Variants in MYH9 observed in about 807,000 individuals in gnomAD.
The protein encoded by MYH9 is myosin heavy chain 9.
A neutral mutation model predicts 241.9 loss-of-function variants in MYH9; 29 were observed. That is an observed-to-expected ratio of 0.12 (90% CI 0.09 to 0.16). The LOEUF (loss-of-function observed/expected upper bound fraction) is 0.16, where lower values mean the gene tolerates loss of function less well. Among genes scored for constraint, MYH9 ranks in the 10% least tolerant of loss-of-function variants. The pLI is 1.00. For synonymous variants in MYH9, 1,047 were observed against 1,062.6 expected (o/e 0.99, Z 0.29); for missense variants, 1,803 against 2,595.5 (o/e 0.69, Z 6.63).
chr22:36,347,557 G>A (rs2146391005), intron 2 of MYH9, among the ~76,000 whole-genome samples: 1 of 151,598 alleles, frequency 6.6e-6, no homozygotes, highest in South Asian at 2.1e-4. Flanking sequence ...AACATAATGA[G>A]ACCCTGTCTC....
chr22:36,309,384 CTTT>C lies in MYH9; in HGVS notation c.1738_1740del (p.Lys580del). The C allele has an allele frequency of 6.2e-7, 1 of 1,614,130 alleles. No homozygotes were observed. Among genetic ancestry groups the C allele is most frequent in the Non-Finnish European group, 8.5e-7 (1 of 1,179,970 alleles). ...ATGTTCTTCATCAGCCACTCGTCAGCTTTGTAATCCACCTGGCGGGGTCAGAGA... is the reference window on the plus strand; with the variant it reads ...ATGTTCTTCATCAGCCACTCGTCAGCGTAATCCACCTGGCGGGGTCAGAGA... On this transcript the variant is annotated inframe_deletion, in exon 15 of 41. Coordinates refer to ENST00000216181, the MANE Select transcript of MYH9 (RefSeq NM_002473.6).
At chr22:36,301,456 G>A (rs1162966047) in intron 21 of MYH9, 78 bp downstream of exon 21, 22 of 1,587,054 alleles carry the variant, frequency 1.4e-5, no homozygotes, top group Non-Finnish European at 1.8e-5. Context: ...CTTCCAGCAT[G>A]CCGTGCCTAC....
chr22:36,311,374 C>G (rs575854578), intron 14 of MYH9, among the ~76,000 whole-genome samples: 3 of 152,142 alleles, frequency 2.0e-5, no homozygotes, highest in African/African-American at 2.4e-5. Flanking sequence ...CACCTCCCCC[C>G]CCGAAACTAG....
intron 2 of MYH9, among the ~76,000 whole-genome samples, chr22:36,347,307 C>G (rs949186376): frequency 4.0e-5 from 6 of 151,896 alleles, no homozygotes; most frequent in Non-Finnish European, 7.4e-5. Context: ...TACACTTCCC[C>G]TTGGTCAAGC....
At chr22:36,374,585 T>C (rs906341851) in intron 1 of MYH9, among the ~76,000 whole-genome samples, 1 of 152,190 alleles carries the variant, frequency 6.6e-6, no homozygotes, top group African/African-American at 2.4e-5. Flanking sequence ...CAATATTCCA[T>C]GAAAAATCTC....
chr22:36,350,537 CA>C (rs756853566), intron 1 of MYH9, among the ~76,000 whole-genome samples: 2 of 151,616 alleles, frequency 1.3e-5, no homozygotes, highest in African/African-American at 4.8e-5. Flanking sequence ...AACTCCGTCT[CA>C]AAAAAAAGAC....
At chr22:36,296,734 C>T in intron 25 of MYH9, 109 bp downstream of exon 25, 3 of 1,276,644 alleles carry the variant, frequency 2.3e-6, no homozygotes, top group Non-Finnish European at 3.2e-6. Flanking sequence ...TTTAAGACAA[C>T]AGTGGAAAGA....
intron 34 of MYH9, 190 bp from the exon 35 acceptor site, chr22:36,287,036 C>T: frequency 1.4e-6 from 1 of 731,740 alleles, no homozygotes; most frequent in South Asian, 1.7e-5. Context: ...CCGTAATGCA[C>T]ACTTTGACAG....
At position 36,340,414 on chromosome 22, in the gene MYH9, A is replaced by C. The variant is rs570025412; in HGVS notation, c.490+956T>G. Among the ~76,000 whole-genome samples the C allele has an allele frequency of 4.0e-3, 612 of 151,932 alleles. 7 individuals carry two copies. The highest frequency in any genetic ancestry group is 0.013 in the African/African-American group (540 of 41,450). On this transcript the variant is annotated intron_variant, in intron 3 of 40. Transcript: ENST00000216181. The stretch of plus-strand genomic sequence containing the variant: ...GGTGGCTCACGCCTGTAATCCCAGC[A>C]CTTTGGGAGGCCGAGGTGGGTGGAT...
At chr22:36,310,697 C>T (rs2187777) in intron 14 of MYH9, among the ~76,000 whole-genome samples, 4,129 of 152,342 alleles carry the variant, frequency 0.027, 84 homozygotes, top group South Asian at 0.071. Flanking sequence ...GTCCTTTTAG[C>T]GGCCACAGCA....
chr22:36,313,204 C>T (rs1207551369), intron 13 of MYH9, among the ~76,000 whole-genome samples: 1 of 151,818 alleles, frequency 6.6e-6, no homozygotes, highest in African/African-American at 2.4e-5. Flanking sequence ...TGGCTCACAC[C>T]TGTAATCCCA....
intron 31 of MYH9, among the ~76,000 whole-genome samples, chr22:36,290,027 G>T (rs919295844): frequency 6.6e-6 from 1 of 152,132 alleles, no homozygotes; most frequent in Non-Finnish European, 1.5e-5. Flanking sequence ...TTGGCTGCCC[G>T]ATGTCTTCTA....
intron 1 of MYH9, among the ~76,000 whole-genome samples, chr22:36,370,406 T>A: frequency 6.6e-6 from 1 of 152,196 alleles, no homozygotes; most frequent in East Asian, 1.9e-4. Flanking sequence ...GTGCTCACCA[T>A]GGGCAAGGCA....
In MYH9 at chr22:36,288,125, C is replaced by T; in HGVS notation, c.4932+127G>A. The stretch of plus-strand genomic sequence containing the variant: ...TCTGTCAGTGAGATGGGGCTGGAAG[C>T]ACCCAGGACCTTCCCAGGAGGTGCC... On this transcript the variant is annotated intron_variant, in intron 34 of 40. Coordinates refer to ENST00000216181, the MANE Select transcript of MYH9 (RefSeq NM_002473.6). The surrounding 1 kb of genome is among the most constrained non-coding windows in gnomAD (Gnocchi z 4.8). The T allele has an allele frequency of 1.8e-6, 2 of 1,129,192 alleles. No individual in the cohort carries two copies. Among genetic ancestry groups the T allele is most frequent in the South Asian group, 2.7e-5 (2 of 75,318 alleles). 69.9% of individuals were successfully genotyped at this position (1,129,192 alleles called of 1,614,324 possible).
intron 2 of MYH9, among the ~76,000 whole-genome samples, chr22:36,343,549 A>T (rs2017623097): frequency 5.0e-5 from 1 of 20,002 alleles, no homozygotes; most frequent in Non-Finnish European, 1.4e-4. Context: ...CCCTGCTCTT[A>T]AAAAAAAAAA....
chr22:36,362,113 G>C (rs542243616), intron 1 of MYH9, among the ~76,000 whole-genome samples: 9 of 152,224 alleles, frequency 5.9e-5, no homozygotes, highest in Middle Eastern at 3.4e-3. Context: ...CTGCATGGAG[G>C]GGGCAATGAG....
chr22:36,291,957 T>C, intron 31 of MYH9, 29 bp downstream of exon 31: 1 of 1,613,916 alleles, frequency 6.2e-7, no homozygotes. Context: ...GGAGAGGAAA[T>C]GCAAAGGATG....
Position 36,318,200 on chromosome 22 carries a change from G to A in MYH9, c.1227+7C>T. On this transcript the variant is annotated splice_region_variant and intron_variant, in intron 11 of 40. Transcript: ENST00000216181. ...GCAGCCAGCTGCCCTGGCCCCAGAGGACATACCTGCTCTTTAGTCTGCGCC... is the reference window on the plus strand; with the variant it reads ...GCAGCCAGCTGCCCTGGCCCCAGAGAACATACCTGCTCTTTAGTCTGCGCC... The A allele has an allele frequency of 6.2e-7, 1 of 1,612,692 alleles. No homozygotes were observed. The highest frequency in any genetic ancestry group is 8.5e-7 in the Non-Finnish European group (1 of 1,178,818).
At chr22:36,387,035 C>A (rs2018363128) in intron 1 of MYH9, among the ~76,000 whole-genome samples, 1 of 152,246 alleles carries the variant, frequency 6.6e-6, no homozygotes, top group African/African-American at 2.4e-5. Context: ...ACGGCTGCTG[C>A]ATTCCGGGCC....
Sources: allele counts gnomAD v4.1 joint callset (sites outside exome capture counted in the v4.1 genomes callset), GRCh38; gene constraint gnomAD v4.1.1; non-coding constraint Gnocchi (gnomAD v3.1); transcripts MANE v1.5; gene names NCBI Gene and HGNC (gene_info 2026-07-23, HGNC 2026-07-21).